PCDH7: variants seen among roughly 807,000 people sequenced by gnomAD.
PCDH7 encodes the protein protocadherin 7, also known as protocadherin-7.
A neutral mutation model predicts 58.9 loss-of-function variants in PCDH7; 17 were observed. The observed-to-expected ratio is 0.29, with a 90% CI of 0.20 to 0.43. PCDH7 has a LOEUF of 0.43. Ranked by LOEUF, PCDH7 falls within the 20% of genes least tolerant of loss-of-function variation. The pLI is 1.00. For missense variants in PCDH7, 1,274 were observed against 1,441.0 expected (o/e 0.88, Z 1.88); for synonymous variants, 664 against 616.4 (o/e 1.08, Z -1.14).
intron 3 of PCDH7, among the ~76,000 whole-genome samples, chr4:31,113,700 A>G (rs1716617303): frequency 6.6e-6 from 1 of 152,120 alleles, no homozygotes; most frequent in Non-Finnish European, 1.5e-5. Context: ...CATTTTACCT[A>G]TTGAGTTTTG....
At chr4:31,077,447 A>C (rs568964537) in intron 3 of PCDH7, among the ~76,000 whole-genome samples, 10 of 152,196 alleles carry the variant, frequency 6.6e-5, no homozygotes, top group African/African-American at 2.4e-4. Context: ...AAGAAAAAAA[A>C]TATGCAAGTC....
In PCDH7 at chr4:30,722,284, C is replaced by G. The variant is rs780614496; in HGVS notation, c.862C>G (p.Arg288Gly). Residue 288 changes from arginine to glycine, a missense_variant, in exon 1 of 2, where the codon CGC becomes GGC. Transcript: ENST00000361762. This position sits in a 1 kb window ranked among gnomAD's most constrained non-coding sequence, Gnocchi z 7.6. ...AGTGCGCGACGGCGGCGACCCGCCT[C>G]GCTCCTCGCAGGCCATCCTACGGGT... The G allele has an allele frequency of 1.2e-6, 2 of 1,603,240 alleles. No homozygotes were observed. The highest frequency in any genetic ancestry group is 1.1e-5 in the South Asian group (1 of 89,860).
intron 3 of PCDH7, among the ~76,000 whole-genome samples, chr4:30,966,978 A>G (rs1280448273): frequency 1.3e-5 from 2 of 152,112 alleles, no homozygotes; most frequent in Non-Finnish European, 2.9e-5. Flanking sequence ...TTATTGCAAA[A>G]TTGTGGAATT....
At chr4:30,857,983 G>A (rs990731891) in intron 1 of PCDH7, among the ~76,000 whole-genome samples, 5 of 152,102 alleles carry the variant, frequency 3.3e-5, no homozygotes, top group African/African-American at 1.2e-4. Context: ...ACAGAATTAA[G>A]TAAAGAATAA....
intron 3 of PCDH7, among the ~76,000 whole-genome samples, chr4:30,994,207 T>C (rs945179875): frequency 2.6e-5 from 4 of 152,220 alleles, no homozygotes; most frequent in Admixed American, 6.5e-5. Context: ...GAATAAATTA[T>C]GCATTTTTGC....
chr4:31,064,934 A>G (rs1013580677), intron 3 of PCDH7, among the ~76,000 whole-genome samples: 2 of 152,042 alleles, frequency 1.3e-5, no homozygotes, highest in African/African-American at 4.8e-5. Context: ...TTCATCTAAC[A>G]TATTGTAAAT....
At chr4:30,891,308 C>G (rs1738574475) in intron 1 of PCDH7, among the ~76,000 whole-genome samples, 2 of 151,984 alleles carry the variant, frequency 1.3e-5, no homozygotes, top group African/African-American at 4.8e-5. Flanking sequence ...AGAGTAAGAG[C>G]TTCATTAAAT....
At chr4:30,796,025 T>A (rs886689559) in intron 1 of PCDH7, among the ~76,000 whole-genome samples, 1 of 152,182 alleles carries the variant, frequency 6.6e-6, no homozygotes, top group Non-Finnish European at 1.5e-5. Context: ...ATCTCCATTT[T>A]CATTTTTTTG....
At chr4:30,752,390 A>G (rs1252395918) in intron 1 of PCDH7, among the ~76,000 whole-genome samples, 1 of 152,136 alleles carries the variant, frequency 6.6e-6, no homozygotes, top group Non-Finnish European at 1.5e-5. Flanking sequence ...AGGTTCATGG[A>G]TGATTTTTCC....
At chr4:31,007,735 T>C (rs1296441350) in intron 3 of PCDH7, among the ~76,000 whole-genome samples, 1 of 152,106 alleles carries the variant, frequency 6.6e-6, no homozygotes, top group African/African-American at 2.4e-5. Flanking sequence ...CCGTATGTGG[T>C]AAGAAAATTA....
intron 3 of PCDH7, among the ~76,000 whole-genome samples, chr4:31,136,737 C>T (rs1481480568): frequency 6.6e-6 from 1 of 152,100 alleles, no homozygotes; most frequent in Non-Finnish European, 1.5e-5. Context: ...GTTTGCCTGT[C>T]CAGTCTTCCT....
intron 2 of PCDH7, among the ~76,000 whole-genome samples, chr4:30,949,630 AG>A (rs1349120666): frequency 1.3e-5 from 2 of 152,210 alleles, no homozygotes; most frequent in African/African-American, 4.8e-5. Flanking sequence ...AATAAGTTGA[AG>A]TTGTTTTCAT....
intron 3 of PCDH7, among the ~76,000 whole-genome samples, chr4:31,100,648 C>T (rs1714779589): frequency 6.6e-6 from 1 of 152,108 alleles, no homozygotes; most frequent in Non-Finnish European, 1.5e-5. Flanking sequence ...CAGAAGTAAT[C>T]CAAATTTATG....
chr4:30,736,556 G>C (rs1220801579), downstream of PCDH7, among the ~76,000 whole-genome samples: 1 of 130,492 alleles, frequency 7.7e-6, no homozygotes, highest in South Asian at 2.3e-4. Flanking sequence ...TTTTTTTTGA[G>C]ACGGGGTCTC....
chr4:30,760,365 G>T (rs1389569951), intron 1 of PCDH7, among the ~76,000 whole-genome samples: 1 of 152,152 alleles, frequency 6.6e-6, no homozygotes, highest in Non-Finnish European at 1.5e-5. Context: ...GCAAGAGAAA[G>T]AAATAAAGGT....
At chr4:30,994,286 T>A (rs555173015) in intron 3 of PCDH7, among the ~76,000 whole-genome samples, 2 of 152,326 alleles carry the variant, frequency 1.3e-5, no homozygotes, top group East Asian at 1.9e-4. Context: ...TTGGAAAGGA[T>A]GCCCTGAAAT....
At chr4:30,842,771 C>T (rs998355530) in intron 1 of PCDH7, among the ~76,000 whole-genome samples, 13 of 152,120 alleles carry the variant, frequency 8.5e-5, no homozygotes, top group Admixed American at 6.6e-4. Context: ...ATAAGATTTA[C>T]GGTTTAACAG....
intron 1 of PCDH7, among the ~76,000 whole-genome samples, chr4:30,777,581 A>G (rs1344145021): frequency 6.6e-6 from 1 of 152,156 alleles, no homozygotes; most frequent in African/African-American, 2.4e-5. Flanking sequence ...GTTGATTTCA[A>G]GTTCAGAGGT....
chr4:30,819,738 A>G (rs994092113), intron 1 of PCDH7, among the ~76,000 whole-genome samples: 1 of 152,086 alleles, frequency 6.6e-6, no homozygotes, highest in Non-Finnish European at 1.5e-5. Flanking sequence ...TGGTGAACAA[A>G]TTTCTGTAAT....
Sources: allele counts gnomAD v4.1 joint callset (sites outside exome capture counted in the v4.1 genomes callset), GRCh38; gene constraint gnomAD v4.1.1; non-coding constraint Gnocchi (gnomAD v3.1); transcripts MANE v1.5; gene names NCBI Gene and HGNC (gene_info 2026-07-23, HGNC 2026-07-21).